TEX26: variants seen among roughly 807,000 people sequenced by gnomAD.
TEX26 encodes the protein testis expressed 26, also known as testis-expressed protein 26.
Under a neutral mutation model 35.3 loss-of-function variants are expected in TEX26, and 34 were observed. The observed-to-expected ratio is 0.96, with a 90% CI of 0.73 to 1.28. The LOEUF is 1.28. TEX26 is among the 50% of genes most tolerant of loss of function. The pLI, the probability that TEX26 is intolerant of heterozygous loss-of-function variation, is 0.00. For synonymous variants in TEX26, 136 were observed against 111.8 expected (o/e 1.22, Z -1.36); for missense variants, 371 against 330.1 (o/e 1.12, Z -0.96).
intron 2 of TEX26, among the ~76,000 whole-genome samples, chr13:30,947,035 T>C (rs1455710378): frequency 6.6e-6 from 1 of 152,128 alleles, no homozygotes; most frequent in Non-Finnish European, 1.5e-5. Flanking sequence ...TTATTGATCA[T>C]GCTATTATAC....
At chr13:30,972,754 C>T (rs750833646) in intron 6 of TEX26, among the ~76,000 whole-genome samples, 1 of 152,252 alleles carries the variant, frequency 6.6e-6, no homozygotes, top group Non-Finnish European at 1.5e-5. Flanking sequence ...CATGCCTCAG[C>T]TTCCCAAGCA....
At chr13:30,948,336 A>G (rs1402242386) in intron 2 of TEX26, among the ~76,000 whole-genome samples, 2 of 152,192 alleles carry the variant, frequency 1.3e-5, no homozygotes, top group Non-Finnish European at 2.9e-5. Context: ...CAATGGTTGA[A>G]CTAGTTTATA....
intron 4 of TEX26, among the ~76,000 whole-genome samples, chr13:30,959,662 T>A (rs1954264295): frequency 6.6e-6 from 1 of 152,240 alleles, no homozygotes; most frequent in East Asian, 1.9e-4. Context: ...TACATGCCTG[T>A]CACTATTTTT....
intron 4 of TEX26, among the ~76,000 whole-genome samples, chr13:30,960,296 G>A (rs1291984434): frequency 6.6e-6 from 1 of 152,166 alleles, no homozygotes; most frequent in African/African-American, 2.4e-5. Context: ...AGGCTGGAGT[G>A]CAGTTGTGTG....
intron 2 of TEX26, among the ~76,000 whole-genome samples, chr13:30,949,881 T>C (rs1007336608): frequency 6.6e-6 from 1 of 152,182 alleles, no homozygotes; most frequent in Non-Finnish European, 1.5e-5. Context: ...GAAAGAAAGT[T>C]ACATATAGTG....
intron 5 of TEX26, among the ~76,000 whole-genome samples, chr13:30,968,063 T>C (rs1954598472): frequency 6.6e-6 from 1 of 152,212 alleles, no homozygotes; most frequent in African/African-American, 2.4e-5. Context: ...AGGGCAAACT[T>C]CCTCTTTACC....
chr13:30,955,011 G>A (rs559681818), intron 3 of TEX26, among the ~76,000 whole-genome samples: 3 of 152,064 alleles, frequency 2.0e-5, no homozygotes, highest in Non-Finnish European at 4.4e-5. Context: ...AACTGCTAAC[G>A]TTACACAAGA....
At chr13:30,956,760 T>G in intron 3 of TEX26, 113 bp from the exon 4 acceptor site, 2 of 958,214 alleles carry the variant, frequency 2.1e-6, no homozygotes, top group Non-Finnish European at 3.1e-6. Context: ...GCACCTGCAG[T>G]GGCAGCTGGT....
At chr13:30,974,133 T>A (rs111955164) in intron 6 of TEX26, among the ~76,000 whole-genome samples, 12,290 of 50,428 alleles carry the variant, frequency 0.24, 858 homozygotes, top group African/African-American at 0.39. Context: ...AAAAAAAAAA[T>A]ATATATATAT....
chr13:30,942,687 T>C (rs1953557506), intron 2 of TEX26, among the ~76,000 whole-genome samples: 1 of 151,880 alleles, frequency 6.6e-6, no homozygotes, highest in Admixed American at 6.6e-5. Context: ...AGTTGATTTT[T>C]ATAAGGTGAG....
intron 1 of TEX26, among the ~76,000 whole-genome samples, chr13:30,936,368 C>T (rs1953272472): frequency 6.6e-6 from 1 of 152,224 alleles, no homozygotes; most frequent in Non-Finnish European, 1.5e-5. Context: ...GCTCCATTCA[C>T]ATGGGGCTAT....
chr13:30,936,404 A>T (rs1953273679), intron 1 of TEX26, among the ~76,000 whole-genome samples: 1 of 152,152 alleles, frequency 6.6e-6, no homozygotes. Flanking sequence ...TCAGACTCTC[A>T]TACCTCATGC....
In TEX26 at chr13:30,939,523, G is replaced by A. The variant is rs76923413; in HGVS notation, c.62-171G>A. 4.6e-5 allele frequency among the ~76,000 whole-genome samples: 7 copies of A among 152,260 alleles called. No individual in the cohort carries two copies. In the East Asian group the frequency reaches 7.7e-4, roughly 17 times the overall value. ...TATTTTGGGGTGAAACAGATAAGTC[G>A]AACTTCCTCATTCCTATTAGAGGCT... is the stretch of plus-strand genomic sequence containing the variant. On this transcript the variant is annotated intron_variant, in intron 1 of 6. Coordinates refer to ENST00000380473, the MANE Select transcript of TEX26 (RefSeq NM_152325.3).
At chr13:30,967,216 G>C (rs1954568513) in intron 5 of TEX26, among the ~76,000 whole-genome samples, 1 of 152,150 alleles carries the variant, frequency 6.6e-6, no homozygotes, top group African/African-American at 2.4e-5. Context: ...TTCATTCCTG[G>C]CATGGGGTTG....
At position 30,974,245 on chromosome 13, in the gene TEX26, G is replaced by A. The variant is rs373793320; in HGVS notation, c.809-601G>A. Among the ~76,000 whole-genome samples the A allele has an allele frequency of 8.0e-5, 12 of 150,900 alleles. No individual in the cohort carries two copies. In the East Asian group the frequency reaches 2.3e-3, roughly 29 times the overall value. ...AAATGGAGGCCAGGGAGGGGGAGTT[G>A]AAGGGCCTTCCCAAGGTCAAACAGT... On this transcript the variant is annotated intron_variant, in intron 6 of 6. Transcript: ENST00000380473.
chr13:30,957,884 G>T (rs191394075), intron 4 of TEX26, among the ~76,000 whole-genome samples: 22 of 152,352 alleles, frequency 1.4e-4, no homozygotes, highest in African/African-American at 4.6e-4. Flanking sequence ...TCAGAGATAC[G>T]GGAGTAATAG....
intron 6 of TEX26, among the ~76,000 whole-genome samples, chr13:30,970,409 G>A (rs1403437059): frequency 2.6e-5 from 4 of 152,112 alleles, no homozygotes; most frequent in African/African-American, 9.7e-5. Context: ...CTCCACAGAT[G>A]CCTCTGGGCC....
chr13:30,940,943 A>T (rs1262559088), intron 2 of TEX26, among the ~76,000 whole-genome samples: 1 of 152,112 alleles, frequency 6.6e-6, no homozygotes, highest in Non-Finnish European at 1.5e-5. Context: ...GTCTCAAAAC[A>T]AACAAACAAA....
Position 30,932,783 on chromosome 13 carries a change from C to A in TEX26, c.61+7C>A. On this transcript the variant is annotated splice_region_variant and intron_variant, in intron 1 of 6. Coordinates refer to ENST00000380473, the MANE Select transcript of TEX26 (RefSeq NM_152325.3). ...CACCACAACCTCCAGCCAAGTAAGACAGCAGACTCTGCCGGTCTGCGGGGC... is the reference window on the plus strand; with the variant it reads ...CACCACAACCTCCAGCCAAGTAAGAAAGCAGACTCTGCCGGTCTGCGGGGC... 6 of 1,613,854 alleles carry A rather than the reference C, an allele frequency of 3.7e-6. No individual in the cohort carries two copies. Among genetic ancestry groups the A allele is most frequent in the Non-Finnish European group, 5.1e-6 (6 of 1,179,946 alleles).
Sources: allele counts gnomAD v4.1 joint callset (sites outside exome capture counted in the v4.1 genomes callset), GRCh38; gene constraint gnomAD v4.1.1; transcripts MANE v1.5; gene names NCBI Gene and HGNC (gene_info 2026-07-23, HGNC 2026-07-21).